The following LRRC4C variants were observed in gnomAD, a reference collection of about 807,000 sequenced individuals.
LRRC4C encodes the protein leucine-rich repeat-containing protein 4C.
In LRRC4C, 5 loss-of-function variants were observed where a neutral mutation model predicts 33.6. The ratio of observed to expected loss-of-function variants is 0.15; its 90% CI spans 0.08 to 0.31. The LOEUF (loss-of-function observed/expected upper bound fraction) is 0.31, where lower values mean the gene tolerates loss of function less well. Among genes scored for constraint, LRRC4C ranks in the 10% least tolerant of loss-of-function variants. The probability of loss-of-function intolerance (pLI) is 1.00; values close to 1 mark genes in which losing one functional copy is unlikely to be tolerated. For synonymous variants in LRRC4C, 329 were observed against 302.0 expected (o/e 1.09, Z -0.93); for missense variants, 560 against 796.7 (o/e 0.70, Z 3.58).
rs529218083 is a variant in LRRC4C, at chr11:40,685,872, C to T, written c.-406-37594G>A. The stretch of plus-strand genomic sequence containing the variant: ...GATTTACTTTGTCTTCAACCTTGTC[C>T]TAGGTTGAAAGATTCAATCGTACAA... On this transcript the variant is annotated intron_variant, in intron 2 of 6. Coordinates refer to ENST00000528697, the MANE Select transcript of LRRC4C (RefSeq NM_001258419.2). Among the ~76,000 whole-genome samples the T allele has an allele frequency of 5.3e-5, 8 of 151,786 alleles. No homozygotes were observed. In the East Asian group the frequency reaches 1.6e-3, roughly 30 times the overall value.
At chr11:40,569,592 G>C (rs1957900036) in intron 3 of LRRC4C, among the ~76,000 whole-genome samples, 1 of 152,050 alleles carries the variant, frequency 6.6e-6, no homozygotes, top group Non-Finnish European at 1.5e-5. Flanking sequence ...TTTAATTAAA[G>C]TGTCATCCAG....
chr11:40,862,068 A>G (rs1954132575), intron 2 of LRRC4C, among the ~76,000 whole-genome samples: 1 of 152,194 alleles, frequency 6.6e-6, no homozygotes, highest in African/African-American at 2.4e-5. Context: ...TGTACCTCTG[A>G]CAGGACATGG....
intron 3 of LRRC4C, among the ~76,000 whole-genome samples, chr11:40,462,176 T>C (rs763274756): frequency 2.4e-4 from 37 of 152,092 alleles, no homozygotes; most frequent in Non-Finnish European, 4.3e-4. Context: ...AATTGTTAAA[T>C]ATTGATGTTA....
chr11:40,520,322 G>A (rs937497082), intron 3 of LRRC4C, among the ~76,000 whole-genome samples: 5 of 151,708 alleles, frequency 3.3e-5, no homozygotes, highest in African/African-American at 1.2e-4. Context: ...CTAACATTTG[G>A]CCTATCTCAG....
intron 3 of LRRC4C, among the ~76,000 whole-genome samples, chr11:40,571,893 T>C (rs950347451): frequency 1.3e-5 from 2 of 152,172 alleles, no homozygotes; most frequent in Non-Finnish European, 2.9e-5. Flanking sequence ...AGCCTTTCTC[T>C]AAAGCAGTGG....
intron 1 of LRRC4C, among the ~76,000 whole-genome samples, chr11:40,934,661 G>A (rs899845044): frequency 6.6e-6 from 1 of 151,904 alleles, no homozygotes; most frequent in African/African-American, 2.4e-5. Flanking sequence ...TCTCCTCTGA[G>A]GTTTCCTTCT....
intron 1 of LRRC4C, among the ~76,000 whole-genome samples, chr11:41,114,062 T>C (rs1192981571): frequency 6.6e-6 from 1 of 152,068 alleles, no homozygotes; most frequent in East Asian, 1.9e-4. Context: ...TGTATATATG[T>C]CTTTTCTGAA....
At position 40,754,098 on chromosome 11, in the gene LRRC4C, A is replaced by G. The variant is rs186857039; in HGVS notation, c.-406-105820T>C. 1.0e-3 allele frequency among the ~76,000 whole-genome samples: 158 copies of G among 152,162 alleles called. 1 individual carries two copies. The highest frequency in any genetic ancestry group is 3.5e-3 in the African/African-American group (147 of 41,550). ...TTCAGTTGATTTTCTTTGGGTTTCCACATAATCATTTAATTTGTAAAAAAT... is the reference window on the plus strand; with the variant it reads ...TTCAGTTGATTTTCTTTGGGTTTCCGCATAATCATTTAATTTGTAAAAAAT... On this transcript the variant is annotated intron_variant, in intron 2 of 6. Transcript: ENST00000528697.
chr11:40,952,070 A>T (rs1194594325), intron 1 of LRRC4C, among the ~76,000 whole-genome samples: 2 of 151,920 alleles, frequency 1.3e-5, no homozygotes, highest in Non-Finnish European at 2.9e-5. Flanking sequence ...AAAGTTAGCT[A>T]TTATTAATTT....
At chr11:40,200,720 C>T (rs1406434423) in intron 5 of LRRC4C, among the ~76,000 whole-genome samples, 3 of 128,144 alleles carry the variant, frequency 2.3e-5, no homozygotes, top group African/African-American at 9.2e-5. Flanking sequence ...GAGCTGAGGT[C>T]ATGCCACTGC....
intron 1 of LRRC4C, among the ~76,000 whole-genome samples, chr11:41,339,743 A>ATAGGC (rs1951571040): frequency 1.3e-5 from 2 of 152,228 alleles, no homozygotes. Context: ...TAATGGTTAT[A>ATAGGC]TAGGCTATTT....
At chr11:40,519,923 A>G (rs370049718) in intron 3 of LRRC4C, among the ~76,000 whole-genome samples, 12 of 152,334 alleles carry the variant, frequency 7.9e-5, no homozygotes, top group Admixed American at 5.9e-4. Context: ...ATGCCAGAAT[A>G]TCCATGTAGA....
intron 3 of LRRC4C, among the ~76,000 whole-genome samples, chr11:40,628,847 G>C (rs554305579): frequency 6.6e-6 from 1 of 152,272 alleles, no homozygotes; most frequent in South Asian, 2.1e-4. Flanking sequence ...CATCTAGTCT[G>C]ATAGAATTGG....
At chr11:40,623,165 T>A (rs1424955157) in intron 3 of LRRC4C, among the ~76,000 whole-genome samples, 1 of 151,780 alleles carries the variant, frequency 6.6e-6, no homozygotes, top group East Asian at 1.9e-4. Flanking sequence ...TTTTTTCATT[T>A]GTAAAATGAG....
intron 3 of LRRC4C, among the ~76,000 whole-genome samples, chr11:40,450,775 T>TAAAAAA (rs768633791): frequency 7.7e-6 from 1 of 129,126 alleles, no homozygotes. Flanking sequence ...CCCTGAAAAT[T>TAAAAAA]AAAAAAAAAA....
intron 4 of LRRC4C, among the ~76,000 whole-genome samples, chr11:40,246,697 G>T (rs1866367264): frequency 6.6e-6 from 1 of 151,886 alleles, no homozygotes. Flanking sequence ...TACCCATGAG[G>T]TTATAGGTAA....
intron 1 of LRRC4C, among the ~76,000 whole-genome samples, chr11:41,223,450 TATTC>T (rs1947394120): frequency 6.6e-6 from 1 of 152,200 alleles, no homozygotes; most frequent in Admixed American, 6.5e-5. Flanking sequence ...CACAATTATT[TATTC>T]ATTCATTCAT....
At chr11:40,585,934 C>G (rs371986551) in intron 3 of LRRC4C, among the ~76,000 whole-genome samples, 1 of 136,954 alleles carries the variant, frequency 7.3e-6, no homozygotes, top group African/African-American at 2.7e-5. Context: ...AATAAACATA[C>G]GTGTGCATGT....
At chr11:40,438,784 T>C (rs1590736740) in intron 3 of LRRC4C, among the ~76,000 whole-genome samples, 1 of 152,192 alleles carries the variant, frequency 6.6e-6, no homozygotes, top group African/African-American at 2.4e-5. Flanking sequence ...ATCTCACTTT[T>C]GTTATTTTAT....
Sources: allele counts gnomAD v4.1 joint callset (sites outside exome capture counted in the v4.1 genomes callset), GRCh38; gene constraint gnomAD v4.1.1; transcripts MANE v1.5; gene names NCBI Gene and HGNC (gene_info 2026-07-23, HGNC 2026-07-21).